The following ZNF365 variants were observed in gnomAD, a reference collection of about 807,000 sequenced individuals.
ZNF365 encodes zinc finger protein 365.
Under a neutral mutation model 35.0 loss-of-function variants are expected in ZNF365, and 22 were observed. The observed-to-expected ratio is 0.63, with a 90% CI of 0.45 to 0.90. The LOEUF (loss-of-function observed/expected upper bound fraction) is 0.90. ZNF365 is among the 40% of genes least tolerant of loss of function. ZNF365 has a pLI of 0.00. For missense variants in ZNF365, 448 were observed against 500.3 expected (o/e 0.90, Z 1.00); for synonymous variants, 188 against 196.2 (o/e 0.96, Z 0.35).
At chr10:62,465,451 C>T (rs1314605131) in intron 4 of ZNF365, among the ~76,000 whole-genome samples, 1 of 152,172 alleles carries the variant, frequency 6.6e-6, no homozygotes, top group Non-Finnish European at 1.5e-5. Flanking sequence ...GAAAACCCAC[C>T]TTCAAGCCAG....
Position 62,401,524 on chromosome 10 carries a change from A to T in ZNF365, c.*1735A>T. ...TCATTCATGTGATATATAAGCAGCT[A>T]TCAAGTGGGCAAAAACATTGCTGTG... On this transcript the variant is annotated 3_prime_UTR_variant, in exon 5 of 5. Coordinates refer to ENST00000395254, the MANE Select transcript of ZNF365 (RefSeq NM_014951.3). 3 of 985,578 alleles carry T rather than the reference A, an allele frequency of 3.0e-6. No individual in the cohort carries two copies. Among genetic ancestry groups the T allele is most frequent in the Non-Finnish European group, 3.6e-6 (3 of 829,922 alleles). The allele number at this position is 985,578 out of a possible 1,614,324, so 61.1% of individuals were successfully genotyped here.
chr10:62,452,096 G>T (rs2393882), intron 3 of ZNF365, among the ~76,000 whole-genome samples: 2,226 of 152,250 alleles, frequency 0.015, 52 homozygotes, highest in African/African-American at 0.05. Flanking sequence ...GTTTAACTTA[G>T]ATCTTTCTAT....
intron 3 of ZNF365, among the ~76,000 whole-genome samples, chr10:62,418,743 T>C (rs1164165744): frequency 6.6e-6 from 1 of 152,100 alleles, no homozygotes; most frequent in Non-Finnish European, 1.5e-5. Flanking sequence ...GTAAGAATAG[T>C]AGCTCTTCTC....
intron 3 of ZNF365, among the ~76,000 whole-genome samples, chr10:62,416,591 G>A (rs1374923791): frequency 2.6e-5 from 4 of 152,110 alleles, no homozygotes; most frequent in Non-Finnish European, 4.4e-5. Context: ...TTCTATTCAT[G>A]TTGAATCTTA....
chr10:62,395,175 C>A (rs1589434016), intron 3 of ZNF365, among the ~76,000 whole-genome samples: 1 of 152,138 alleles, frequency 6.6e-6, no homozygotes. Flanking sequence ...TTGTTAAAAG[C>A]ATCTGAGTTA....
At chr10:62,470,754 T>G (rs1490226250) in intron 4 of ZNF365, among the ~76,000 whole-genome samples, 1 of 152,194 alleles carries the variant, frequency 6.6e-6, no homozygotes, top group Non-Finnish European at 1.5e-5. Flanking sequence ...AAAATATAAA[T>G]ATATACTTAT....
intron 3 of ZNF365, among the ~76,000 whole-genome samples, chr10:62,431,570 C>T (rs1840335385): frequency 6.6e-6 from 1 of 152,068 alleles, no homozygotes; most frequent in Non-Finnish European, 1.5e-5. Context: ...ATGGGTCTAC[C>T]CTATTTTTGA....
At chr10:62,453,910 C>G (rs1360780006) in intron 3 of ZNF365, among the ~76,000 whole-genome samples, 2 of 152,056 alleles carry the variant, frequency 1.3e-5, no homozygotes, top group African/African-American at 4.8e-5. Flanking sequence ...AGCCTCACAC[C>G]CCATTTAAAT....
chr10:62,469,938 G>A (rs1841005140), intron 4 of ZNF365, among the ~76,000 whole-genome samples: 1 of 152,092 alleles, frequency 6.6e-6, no homozygotes, highest in Admixed American at 6.6e-5. Flanking sequence ...AATACCACTT[G>A]CCTTCTCAAG....
chr10:62,462,230 ACTC>A (rs1840859544), intron 4 of ZNF365, among the ~76,000 whole-genome samples: 1 of 152,218 alleles, frequency 6.6e-6, no homozygotes, highest in Non-Finnish European at 1.5e-5. Context: ...ACTGTGGTGA[ACTC>A]AACTGTGTTT....
At chr10:62,428,715 G>A (rs572464192) in intron 3 of ZNF365, among the ~76,000 whole-genome samples, 1 of 152,112 alleles carries the variant, frequency 6.6e-6, no homozygotes. Flanking sequence ...GGGTTGGTGG[G>A]GTGAAACCCA....
In ZNF365 at chr10:62,401,240, CTA is replaced by C. The variant is rs929175997; in HGVS notation, c.*1457_*1458del. On this transcript the variant is annotated 3_prime_UTR_variant, in exon 5 of 5. Transcript: ENST00000395254. ...GTGTTTGTGGTGGGTGGTTTTTAAA[CTA>C]TATATGTTTGTTCATGTAAACTGAA... 2 of 985,048 alleles carry C rather than the reference CTA, an allele frequency of 2.0e-6. No homozygotes were observed. The highest frequency in any genetic ancestry group is 1.1e-4 in the East Asian group (1 of 8,942). 61.0% of individuals were successfully genotyped at this position (985,048 alleles called of 1,614,324 possible). A position where few individuals can be genotyped will look rare whatever the true frequency, so the allele number is the denominator to read the frequency against.
chr10:62,382,761 T>A lies in ZNF365; in HGVS notation c.744-5635T>A, dbSNP rs186216073. ...GGGTTTGCAGCCAAGCTCCCTGTGCTCGGAGGTGGTCGACTCCTGCTTTGG... is the reference window on the plus strand; with the variant it reads ...GGGTTTGCAGCCAAGCTCCCTGTGCACGGAGGTGGTCGACTCCTGCTTTGG... On this transcript the variant is annotated intron_variant, in intron 2 of 4. Coordinates refer to ENST00000395254, the MANE Select transcript of ZNF365 (RefSeq NM_014951.3). 4.6e-5 allele frequency among the ~76,000 whole-genome samples: 7 copies of A among 152,312 alleles called. No homozygotes were observed. The East Asian group carries it at 1.4e-3, about 29-fold the overall frequency.
At chr10:62,425,704 G>A (rs1477487143) in intron 3 of ZNF365, among the ~76,000 whole-genome samples, 1 of 152,170 alleles carries the variant, frequency 6.6e-6, no homozygotes, top group South Asian at 2.1e-4. Flanking sequence ...CTGCACACTC[G>A]GCATTCCCCA....
chr10:62,433,882 A>T (rs918900735), intron 3 of ZNF365, among the ~76,000 whole-genome samples: 15 of 152,068 alleles, frequency 9.9e-5, no homozygotes, highest in Admixed American at 8.5e-4. Context: ...TTTTAGTGGG[A>T]TGGAGATTTA....
chr10:62,430,993 A>G (rs1336858070), intron 3 of ZNF365, among the ~76,000 whole-genome samples: 1 of 152,204 alleles, frequency 6.6e-6, no homozygotes. Context: ...CATGCATGGT[A>G]TAATTATAGT....
At chr10:62,471,365 C>T in intron 4 of ZNF365, among the ~76,000 whole-genome samples, 1 of 81,134 alleles carries the variant, frequency 1.2e-5, no homozygotes, top group East Asian at 3.7e-4. Context: ...GACTCTGTCT[C>T]AAAAAAAAAA....
intron 3 of ZNF365, among the ~76,000 whole-genome samples, chr10:62,441,566 C>T (rs1047972290): frequency 6.6e-5 from 10 of 152,064 alleles, no homozygotes; most frequent in Admixed American, 2.6e-4. Flanking sequence ...TCTCTGGGTG[C>T]GTAAATCAGA....
At chr10:62,437,098 A>G (rs1055925032) in intron 3 of ZNF365, among the ~76,000 whole-genome samples, 12 of 152,360 alleles carry the variant, frequency 7.9e-5, no homozygotes, top group East Asian at 3.9e-4. Context: ...TTTCAGAATC[A>G]GAGATCATTT....
Sources: gnomAD v4.1 joint callset for allele counts (sites outside exome capture counted in the v4.1 genomes callset) on GRCh38, gnomAD v4.1.1 for gene constraint, MANE v1.5 for transcripts, NCBI Gene and HGNC (gene_info 2026-07-23, HGNC 2026-07-21) for gene names.